The following ERC1 variants were observed in gnomAD, a reference collection of about 807,000 sequenced individuals.
ERC1 encodes RAB6 interacting protein 2.
ERC1 carries 56 observed loss-of-function variants against 132.0 expected under a neutral mutation model. The ratio of observed to expected loss-of-function variants is 0.42; its 90% CI spans 0.34 to 0.53. ERC1 has a LOEUF of 0.53. ERC1 is among the 20% of genes least tolerant of loss of function. ERC1 has a pLI of 0.03. For synonymous variants in ERC1, 478 were observed against 476.1 expected (o/e 1.00, Z -0.05); for missense variants, 1,202 against 1,349.9 (o/e 0.89, Z 1.72).
chr12:1,218,831 T>TAC (rs1446898550), intron 12 of ERC1, among the ~76,000 whole-genome samples: 23 of 137,286 alleles, frequency 1.7e-4, no homozygotes, highest in African/African-American at 3.6e-4. Context: ...TATATATATA[T>TAC]ATACACACAC....
chr12:1,038,770 A>G (rs1338936878), intron 2 of ERC1, among the ~76,000 whole-genome samples: 1 of 152,238 alleles, frequency 6.6e-6, no homozygotes, highest in East Asian at 1.9e-4. Context: ...AATACTGTTC[A>G]GGAGCAGCTT....
intron 6 of ERC1, among the ~76,000 whole-genome samples, chr12:1,113,216 T>C (rs919227238): frequency 1.3e-5 from 2 of 152,218 alleles, no homozygotes; most frequent in African/African-American, 4.8e-5. Context: ...CCAAGGTGTG[T>C]CTTGGAACCA....
chr12:1,492,692 A>G lies in ERC1; in HGVS notation c.*2462A>G. On this transcript the variant is annotated 3_prime_UTR_variant, in exon 19 of 19. Transcript: ENST00000360905. ...ATCTGTCTGGTCTCTGTGAACAGCA[A>G]GGAATCTTCTTGACCGTTCTTGGGC... 1 of 232,910 alleles carries G rather than the reference A, an allele frequency of 4.3e-6. No homozygotes were observed. The highest frequency in any genetic ancestry group is 8.5e-6 in the Non-Finnish European group (1 of 117,804). The allele number at this position is 232,910 out of a possible 1,614,324, so 14.4% of individuals were successfully genotyped here.
intron 1 of ERC1, 156 bp from the exon 2 acceptor site, chr12:1,027,591 GT>G (rs1967111148): frequency 3.6e-6 from 1 of 279,998 alleles, no homozygotes; most frequent in South Asian, 1.1e-4. Context: ...CTAAAATATT[GT>G]TTACTATGAG....
chr12:1,071,968 G>A (rs1235739958), intron 2 of ERC1, among the ~76,000 whole-genome samples: 1 of 152,080 alleles, frequency 6.6e-6, no homozygotes, highest in Non-Finnish European at 1.5e-5. Context: ...AGGCTTGGTG[G>A]CGGGCACCTG....
At chr12:1,340,687 A>G (rs1487659769) in intron 15 of ERC1, among the ~76,000 whole-genome samples, 2 of 151,896 alleles carry the variant, frequency 1.3e-5, no homozygotes, top group Non-Finnish European at 2.9e-5. Flanking sequence ...TTCCCTCTGA[A>G]GGTCTGTTGT....
intron 1 of ERC1, among the ~76,000 whole-genome samples, chr12:1,007,569 T>TGTGTGTGTAC (rs762010744): frequency 6.6e-5 from 9 of 136,302 alleles, no homozygotes; most frequent in Non-Finnish European, 4.8e-5. Context: ...TGTGTGTGTG[T>TGTGTGTGTAC]ACACACTTTG....
chr12:1,039,355 A>AAT (rs199553607), intron 2 of ERC1, among the ~76,000 whole-genome samples: 7,517 of 147,342 alleles, frequency 0.051, 392 homozygotes, highest in African/African-American at 0.13. Context: ...AAAAAAAATA[A>AAT]AAATAAATAA....
At chr12:1,160,206 G>T (rs1380310292) in intron 8 of ERC1, among the ~76,000 whole-genome samples, 3 of 152,060 alleles carry the variant, frequency 2.0e-5, no homozygotes, top group Non-Finnish European at 4.4e-5. Context: ...TTATAAACGT[G>T]CTCTGTATAC....
At chr12:1,179,088 G>C (rs902407072) in intron 8 of ERC1, among the ~76,000 whole-genome samples, 39 of 152,146 alleles carry the variant, frequency 2.6e-4, no homozygotes, top group African/African-American at 8.7e-4. Flanking sequence ...AATTTTTATT[G>C]TACTTGAGTC....
intron 17 of ERC1, among the ~76,000 whole-genome samples, chr12:1,419,846 G>A (rs576727078): frequency 1.4e-4 from 17 of 124,490 alleles, no homozygotes; most frequent in African/African-American, 4.4e-4. Context: ...TAAAAAAGAA[G>A]TAATGGTGAT....
intron 13 of ERC1, among the ~76,000 whole-genome samples, chr12:1,241,081 C>A (rs903516421): frequency 1.3e-5 from 2 of 152,146 alleles, no homozygotes; most frequent in African/African-American, 4.8e-5. Flanking sequence ...CAAACTTACT[C>A]AAAGTATATG....
intron 15 of ERC1, among the ~76,000 whole-genome samples, chr12:1,302,526 T>C (rs1274565170): frequency 6.6e-6 from 1 of 152,224 alleles, no homozygotes; most frequent in Non-Finnish European, 1.5e-5. Context: ...AAGAAAATTC[T>C]AAAACGTATG....
At chr12:1,007,674 G>T (rs1210283909) in intron 1 of ERC1, among the ~76,000 whole-genome samples, 5 of 151,926 alleles carry the variant, frequency 3.3e-5, no homozygotes, top group Non-Finnish European at 7.4e-5. Flanking sequence ...GTGCTATTGG[G>T]TACAGTAGCC....
At chr12:1,105,476 G>A (rs1945149444) in intron 4 of ERC1, among the ~76,000 whole-genome samples, 1 of 152,042 alleles carries the variant, frequency 6.6e-6, no homozygotes, top group Admixed American at 6.6e-5. Context: ...TCCTGCCTCA[G>A]CCTCCCAAGT....
chr12:1,213,912 A>G lies in ERC1; in HGVS notation c.2352-22857A>G, dbSNP rs554281818. On this transcript the variant is annotated intron_variant, in intron 12 of 18. Coordinates refer to ENST00000360905, the MANE Select transcript of ERC1 (RefSeq NM_178040.4). ...AATGAGACTCTGTCTCCAAAAAAAA[A>G]GAAAAAAAATAAGGAAAAGTTGAGT... 3.9e-5 allele frequency among the ~76,000 whole-genome samples: 6 copies of G among 152,250 alleles called. No individual in the cohort carries two copies. The South Asian group carries it at 6.2e-4, about 16-fold the overall frequency.
intron 5 of ERC1, 85 bp downstream of exon 5, chr12:1,110,432 G>T: frequency 9.1e-7 from 1 of 1,094,062 alleles, no homozygotes; most frequent in Non-Finnish European, 1.3e-6. Flanking sequence ...TGATAAAGCC[G>T]TATTTTACAC....
At chr12:1,093,938 T>TATAA (rs71055129) in intron 3 of ERC1, among the ~76,000 whole-genome samples, 23,603 of 124,502 alleles carry the variant, frequency 0.19, 3,262 homozygotes, top group Non-Finnish European at 0.26. Context: ...TATTTTTCTA[T>TATAA]ATAAATATAT....
chr12:1,374,389 C>G (rs760962501), intron 16 of ERC1, among the ~76,000 whole-genome samples: 3 of 152,150 alleles, frequency 2.0e-5, no homozygotes, highest in Non-Finnish European at 2.9e-5. Context: ...ACCGCCCCCC[C>G]ACCCCCTACA....
Sources: allele counts gnomAD v4.1 joint callset (sites outside exome capture counted in the v4.1 genomes callset), GRCh38; gene constraint gnomAD v4.1.1; transcripts MANE v1.5; gene names NCBI Gene and HGNC (gene_info 2026-07-23, HGNC 2026-07-21).